Variants in SFMBT1 observed in about 807,000 individuals in gnomAD.
SFMBT1 encodes the protein scm-like with four MBT domains protein 1.
Under a neutral mutation model 108.7 loss-of-function variants are expected in SFMBT1, and 32 were observed. The ratio of observed to expected loss-of-function variants is 0.29; its 90% CI spans 0.22 to 0.40. The LOEUF (loss-of-function observed/expected upper bound fraction) is 0.40. SFMBT1 is among the 10% of genes least tolerant of loss of function. SFMBT1 has a pLI of 1.00. For missense variants in SFMBT1, 816 were observed against 1,059.6 expected (o/e 0.77, Z 3.19); for synonymous variants, 348 against 369.5 (o/e 0.94, Z 0.67).
At chr3:53,021,207 T>G (rs1163370884) in intron 1 of SFMBT1, among the ~76,000 whole-genome samples, 1 of 152,226 alleles carries the variant, frequency 6.6e-6, no homozygotes, top group East Asian at 1.9e-4. Context: ...CAAATTCAAT[T>G]ATCACTTCTC....
At chr3:52,997,404 C>T (rs2106906354) in intron 1 of SFMBT1, among the ~76,000 whole-genome samples, 1 of 149,658 alleles carries the variant, frequency 6.7e-6, no homozygotes, top group East Asian at 2.0e-4. Flanking sequence ...GATGTGGTGG[C>T]AGGCACCTGT....
At chr3:52,913,760 ATGT>A in intron 14 of SFMBT1, 143 bp from the exon 15 acceptor site, 1 of 888,132 alleles carries the variant, frequency 1.1e-6, no homozygotes, top group African/African-American at 1.7e-5. Context: ...GAAGCTTAAC[ATGT>A]TGTCTGAGAA....
In SFMBT1 at chr3:52,906,411, A is replaced by G. The variant is rs533121743; in HGVS notation, c.2332-170T>C. On this transcript the variant is annotated intron_variant, in intron 19 of 20. Transcript: ENST00000394752. Reference sequence around the variant, plus strand: ...CCCACGTGCATCAGGTACTCAGGAAATGTCTGTCTTTTATAATACGAAGTA... The same window carrying G: ...CCCACGTGCATCAGGTACTCAGGAAGTGTCTGTCTTTTATAATACGAAGTA... Among the ~76,000 whole-genome samples, 13 of 152,350 alleles carry G rather than the reference A, an allele frequency of 8.5e-5. No individual in the cohort carries two copies. In the East Asian group the frequency reaches 1.9e-3, roughly 23 times the overall value.
intron 2 of SFMBT1, among the ~76,000 whole-genome samples, chr3:52,967,564 T>C (rs974889711): frequency 1.3e-5 from 2 of 152,106 alleles, no homozygotes; most frequent in African/African-American, 4.8e-5. Context: ...GTGTATTGCA[T>C]CTCAAAAAAC....
chr3:52,954,134 T>A (rs562369340), intron 3 of SFMBT1, among the ~76,000 whole-genome samples, 183 bp downstream of exon 3: 1 of 150,292 alleles, frequency 6.7e-6, no homozygotes. Context: ...CAAAAAAAAA[T>A]AAAAAAATAA....
chr3:52,993,614 C>G (rs1336528336), intron 1 of SFMBT1, among the ~76,000 whole-genome samples: 1 of 149,396 alleles, frequency 6.7e-6, no homozygotes, highest in Admixed American at 6.8e-5. Flanking sequence ...GTAGGAGGTA[C>G]AACTATGTAG....
chr3:53,013,161 T>C (rs918019234), intron 1 of SFMBT1, among the ~76,000 whole-genome samples: 17 of 151,884 alleles, frequency 1.1e-4, no homozygotes, highest in African/African-American at 4.1e-4. Flanking sequence ...GCTGCTTCAA[T>C]GGAAAATATT....
chr3:52,974,627 A>C (rs1704453169), intron 1 of SFMBT1, among the ~76,000 whole-genome samples: 1 of 152,132 alleles, frequency 6.6e-6, no homozygotes, highest in Non-Finnish European at 1.5e-5. Flanking sequence ...GAGATTAAAA[A>C]ATAAAGTCTG....
chr3:53,008,928 C>G (rs1011592581), intron 1 of SFMBT1, among the ~76,000 whole-genome samples: 12 of 151,890 alleles, frequency 7.9e-5, no homozygotes, highest in African/African-American at 2.9e-4. Context: ...AGCCACCGTG[C>G]CCGGCCGGAA....
chr3:52,933,560 A>C (rs938285962), intron 5 of SFMBT1, among the ~76,000 whole-genome samples: 10 of 152,238 alleles, frequency 6.6e-5, no homozygotes, highest in Non-Finnish European at 1.5e-4. Context: ...TTAGAGCTAA[A>C]AGTCAGCATG....
chr3:52,905,952 T>C (rs143602910), intron 20 of SFMBT1, among the ~76,000 whole-genome samples, 161 bp downstream of exon 20: 3 of 152,344 alleles, frequency 2.0e-5, no homozygotes, highest in Non-Finnish European at 4.4e-5. Flanking sequence ...GTCTGATAAA[T>C]AACTTTTTAT....
chr3:52,919,723 A>C (rs1000794331), intron 12 of SFMBT1, among the ~76,000 whole-genome samples: 2 of 152,204 alleles, frequency 1.3e-5, no homozygotes, highest in Admixed American at 6.5e-5. Context: ...CTCTGACAGA[A>C]GCCAGTTGTC....
intron 13 of SFMBT1, among the ~76,000 whole-genome samples, chr3:52,916,860 T>C (rs1167150934): frequency 1.3e-5 from 2 of 152,224 alleles, no homozygotes; most frequent in Non-Finnish European, 2.9e-5. Context: ...TCTTGTGAGA[T>C]GCTTAAATCA....
chr3:53,022,890 C>T (rs1699364148), intron 1 of SFMBT1, among the ~76,000 whole-genome samples: 2 of 152,124 alleles, frequency 1.3e-5, no homozygotes, highest in South Asian at 2.1e-4. Context: ...GAACTGTATA[C>T]TTAAAAGCAG....
At chr3:53,001,167 T>C (rs1235806837) in intron 1 of SFMBT1, among the ~76,000 whole-genome samples, 1 of 150,198 alleles carries the variant, frequency 6.7e-6, no homozygotes, top group Non-Finnish European at 1.5e-5. Flanking sequence ...ATTAATAATA[T>C]CAACATGGGA....
chr3:52,990,970 CATT>C (rs1482808900), intron 1 of SFMBT1, among the ~76,000 whole-genome samples: 3 of 152,130 alleles, frequency 2.0e-5, no homozygotes, highest in Non-Finnish European at 4.4e-5. Context: ...TTTGTTTGCT[CATT>C]TTTTCCCAAA....
intron 2 of SFMBT1, among the ~76,000 whole-genome samples, chr3:52,955,766 C>G (rs1345510254): frequency 4.6e-5 from 7 of 152,116 alleles, no homozygotes; most frequent in African/African-American, 1.4e-4. Flanking sequence ...CACATTTCTA[C>G]CAGAGATACA....
intron 3 of SFMBT1, among the ~76,000 whole-genome samples, chr3:52,953,970 CA>C: frequency 6.6e-6 from 1 of 151,970 alleles, no homozygotes; most frequent in Non-Finnish European, 1.5e-5. Context: ...ACTAAAAGTA[CA>C]AAAAATAGCC....
At chr3:52,922,866 T>C (rs774441647) in intron 10 of SFMBT1, among the ~76,000 whole-genome samples, 27 of 152,176 alleles carry the variant, frequency 1.8e-4, no homozygotes, top group Middle Eastern at 3.2e-3. Context: ...GCCTATGGAC[T>C]GCTGAGAGGC....
Sources: allele counts gnomAD v4.1 joint callset (sites outside exome capture counted in the v4.1 genomes callset), GRCh38; gene constraint gnomAD v4.1.1; transcripts MANE v1.5; gene names NCBI Gene and HGNC (gene_info 2026-07-23, HGNC 2026-07-21).